CTNND2: variants seen among roughly 807,000 people sequenced by gnomAD.
CTNND2 encodes catenin delta-2.
Under a neutral mutation model 144.4 loss-of-function variants are expected in CTNND2, and 22 were observed. The ratio of observed to expected loss-of-function variants is 0.15; its 90% CI spans 0.11 to 0.22. CTNND2 has a LOEUF of 0.22. CTNND2 is among the 10% of genes least tolerant of loss of function. The pLI is 1.00. For synonymous variants in CTNND2, 751 were observed against 695.6 expected (o/e 1.08, Z -1.25); for missense variants, 1,353 against 1,618.8 (o/e 0.84, Z 2.82).
chr5:11,073,865 C>G (rs900905441), intron 16 of CTNND2, among the ~76,000 whole-genome samples: 2 of 152,230 alleles, frequency 1.3e-5, no homozygotes, highest in Non-Finnish European at 2.9e-5. Flanking sequence ...CAACAAATCA[C>G]TTTGTCTAAG....
chr5:11,359,621 G>T (rs770540597), intron 8 of CTNND2, among the ~76,000 whole-genome samples: 2 of 152,146 alleles, frequency 1.3e-5, no homozygotes, highest in Non-Finnish European at 2.9e-5. Flanking sequence ...GGTGGGCACT[G>T]CTGTACTTTC....
intron 12 of CTNND2, among the ~76,000 whole-genome samples, chr5:11,155,584 T>C (rs1758144177): frequency 6.6e-6 from 1 of 152,108 alleles, no homozygotes; most frequent in Non-Finnish European, 1.5e-5. Flanking sequence ...AGGCAGAGCG[T>C]AGAAATGAAG....
At chr5:11,205,494 C>T (rs935969340) in intron 10 of CTNND2, among the ~76,000 whole-genome samples, 2 of 151,992 alleles carry the variant, frequency 1.3e-5, no homozygotes, top group Non-Finnish European at 2.9e-5. Context: ...ATTTTCTCTG[C>T]TTATAAGCTA....
intron 20 of CTNND2, among the ~76,000 whole-genome samples, chr5:10,983,373 T>TATAC (rs1737540187): frequency 6.6e-6 from 1 of 152,160 alleles, no homozygotes; most frequent in South Asian, 2.1e-4. Context: ...GAAGGGCTCA[T>TATAC]TGTTTGCTTC....
At chr5:11,402,195 A>G (rs1037860588) in intron 5 of CTNND2, among the ~76,000 whole-genome samples, 8 of 152,200 alleles carry the variant, frequency 5.3e-5, no homozygotes. Flanking sequence ...GCACTTAGAG[A>G]CAGTTCTCCG....
At chr5:11,350,498 T>TA (rs1755221410) in intron 8 of CTNND2, among the ~76,000 whole-genome samples, 2 of 152,124 alleles carry the variant, frequency 1.3e-5, no homozygotes, top group South Asian at 2.1e-4. Context: ...ATTATATATT[T>TA]AAAAAAATCA....
chr5:11,899,228 A>G (rs894060783), intron 1 of CTNND2, among the ~76,000 whole-genome samples: 2 of 152,196 alleles, frequency 1.3e-5, no homozygotes, highest in African/African-American at 4.8e-5. Context: ...GGTTCTAAAC[A>G]GAGCGGATGT....
intron 2 of CTNND2, among the ~76,000 whole-genome samples, chr5:11,579,318 A>G (rs1202223069): frequency 6.6e-6 from 1 of 152,194 alleles, no homozygotes; most frequent in East Asian, 1.9e-4. Flanking sequence ...TTGGAGCAAA[A>G]TGAACTGTGA....
At chr5:11,072,184 G>A (rs1748397363) in intron 16 of CTNND2, among the ~76,000 whole-genome samples, 1 of 152,188 alleles carries the variant, frequency 6.6e-6, no homozygotes, top group Admixed American at 6.5e-5. Context: ...GGACCACAGG[G>A]ATTTGTATCT....
intron 2 of CTNND2, among the ~76,000 whole-genome samples, chr5:11,575,706 C>T (rs1240568660): frequency 6.6e-6 from 1 of 152,134 alleles, no homozygotes; most frequent in African/African-American, 2.4e-5. Context: ...CAGCATTTTA[C>T]TTTGTTGGTC....
chr5:11,549,061 T>C (rs1244981250), intron 3 of CTNND2, among the ~76,000 whole-genome samples: 1 of 152,246 alleles, frequency 6.6e-6, no homozygotes, highest in Non-Finnish European at 1.5e-5. Context: ...ATTTTGATCT[T>C]GCACTTGCTG....
At chr5:11,883,206 A>C (rs1453306027) in intron 1 of CTNND2, among the ~76,000 whole-genome samples, 1 of 152,058 alleles carries the variant, frequency 6.6e-6, no homozygotes. Context: ...TTATACTTCA[A>C]GTTCTGGGAT....
chr5:11,441,368 ATTTTTTTTTTT>A (rs774610481), intron 3 of CTNND2, among the ~76,000 whole-genome samples: 5 of 98,758 alleles, frequency 5.1e-5, no homozygotes, highest in East Asian at 3.1e-4. Context: ...CCAATGTGGG[ATTTTTTTTTTT>A]TTTTTTTTTT....
chr5:11,628,495 A>G (rs1012612369), intron 2 of CTNND2, among the ~76,000 whole-genome samples: 9 of 152,198 alleles, frequency 5.9e-5, no homozygotes, highest in African/African-American at 2.2e-4. Context: ...AGAGTATGTG[A>G]CACAACATGA....
chr5:11,355,030 A>G (rs1755715407), intron 8 of CTNND2, among the ~76,000 whole-genome samples: 1 of 152,140 alleles, frequency 6.6e-6, no homozygotes, highest in Non-Finnish European at 1.5e-5. Context: ...GCAAATTAAA[A>G]ATTTCCTTGT....
At chr5:11,081,106 A>ACACACACACACACACACT (rs1749525186) in intron 16 of CTNND2, among the ~76,000 whole-genome samples, 1 of 124,630 alleles carries the variant, frequency 8.0e-6, no homozygotes, top group Non-Finnish European at 1.9e-5. Context: ...ACACACACAC[A>ACACACACACACACACACT]CTCACACACA....
chr5:11,814,717 AG>A (rs1455162277), intron 1 of CTNND2, among the ~76,000 whole-genome samples: 2 of 152,264 alleles, frequency 1.3e-5, no homozygotes, highest in Non-Finnish European at 2.9e-5. Flanking sequence ...CACTCTGAAT[AG>A]GACTCTGCAA....
chr5:11,720,915 G>A (rs967024004), intron 2 of CTNND2, among the ~76,000 whole-genome samples: 3 of 152,116 alleles, frequency 2.0e-5, no homozygotes, highest in African/African-American at 7.2e-5. Flanking sequence ...CGGTTCTTCA[G>A]AATGTTAACC....
intron 2 of CTNND2, among the ~76,000 whole-genome samples, chr5:11,577,723 A>G (rs958333894): frequency 1.3e-5 from 2 of 152,226 alleles, no homozygotes; most frequent in Admixed American, 1.3e-4. Context: ...TTGATATTCA[A>G]CAATGATCCT....
Sources: gnomAD v4.1 joint callset for allele counts (sites outside exome capture counted in the v4.1 genomes callset) on GRCh38, gnomAD v4.1.1 for gene constraint, MANE v1.5 for transcripts, NCBI Gene and HGNC (gene_info 2026-07-23, HGNC 2026-07-21) for gene names.